ZNF432: variants seen among roughly 807,000 people sequenced by gnomAD.
The protein encoded by ZNF432 is zinc finger protein 432.
ZNF432 carries 10 observed loss-of-function variants against 13.9 expected under a neutral mutation model. The ratio of observed to expected loss-of-function variants is 0.72; its 90% CI spans 0.44 to 1.22. The LOEUF (loss-of-function observed/expected upper bound fraction) is 1.22, where lower values mean the gene tolerates loss of function less well. Among genes scored for constraint, ZNF432 ranks in the 50% most tolerant of loss-of-function variants. ZNF432 has a pLI of 0.00. For synonymous variants in ZNF432, 247 were observed against 256.2 expected (o/e 0.96, Z 0.34); for missense variants, 793 against 796.2 (o/e 1.00, Z 0.05).
Position 52,037,783 on chromosome 19 carries a change from C to T in ZNF432, c.239-2343G>A, listed in dbSNP as rs555286751. Among the ~76,000 whole-genome samples, 7 of 122,404 alleles carry T rather than the reference C, an allele frequency of 5.7e-5. No individual in the cohort carries two copies. The South Asian group carries it at 2.0e-3, about 34-fold the overall frequency. 80.3% of individuals were successfully genotyped at this position (122,404 alleles called of 152,430 possible). A position where few individuals can be genotyped will look rare whatever the true frequency, so the allele number is the denominator to read the frequency against. On this transcript the variant is annotated intron_variant, in intron 4 of 4. Coordinates refer to ENST00000221315, the MANE Select transcript of ZNF432 (RefSeq NM_014650.4). ...CCAGCCTGAGCAACAAAGTGAGACT[C>T]TACCTTAAAAAAAAAAAAAAAAAAA...
chr19:52,036,017 T>G (rs574344640), intron 4 of ZNF432, among the ~76,000 whole-genome samples: 1 of 152,324 alleles, frequency 6.6e-6, no homozygotes, highest in East Asian at 1.9e-4. Context: ...AACAGGACCT[T>G]GCAAAACATG....
At chr19:52,042,394 C>A (rs1440197232) in intron 2 of ZNF432, among the ~76,000 whole-genome samples, 1 of 151,796 alleles carries the variant, frequency 6.6e-6, no homozygotes, top group Non-Finnish European at 1.5e-5. Context: ...ACCAAAAAGA[C>A]AAAAATTAAC....
In ZNF432 at chr19:52,035,322, G is replaced by A. The variant is rs1160514899; in HGVS notation, c.357C>T (p.Ser119=). Residue 119 remains serine (S), a synonymous_variant, in exon 5 of 5, where the codon AGC becomes AGT. Coordinates refer to ENST00000221315, the MANE Select transcript of ZNF432 (RefSeq NM_014650.4). ...CATGATTTTCCCTGAAAAGACAAAGGCTTTTGGTTTGAGAGGCAGTATTTC... is the reference window on the plus strand; with the variant it reads ...CATGATTTTCCCTGAAAAGACAAAGACTTTTGGTTTGAGAGGCAGTATTTC... ...AFGNTASQTK[S]LCLFRENHDT... is the part of the protein sequence containing the mutation. 3 of 1,612,430 alleles carry A rather than the reference G, an allele frequency of 1.9e-6. No homozygotes were observed. Among genetic ancestry groups the A allele is most frequent in the Non-Finnish European group, 2.5e-6 (3 of 1,179,666 alleles).
intron 1 of ZNF432, 163 bp from the exon 2 acceptor site, chr19:52,047,223 G>A (rs902362313): frequency 3.3e-6 from 1 of 304,132 alleles, no homozygotes; most frequent in African/African-American, 2.1e-5. Flanking sequence ...GATGAAAGGG[G>A]AGGTCACAAA....
In ZNF432 at chr19:52,034,311, G is replaced by A. The variant is rs201091027; in HGVS notation, c.1368C>T (p.Pro456=). 4 of 1,609,384 alleles carry A rather than the reference G, an allele frequency of 2.5e-6. No individual in the cohort carries two copies. The Admixed American group carries it at 6.7e-5, about 27-fold the overall frequency. Residue 456 remains proline (P), a synonymous_variant, in exon 5 of 5, where the codon CCC becomes CCT. Coordinates refer to ENST00000221315, the MANE Select transcript of ZNF432 (RefSeq NM_014650.4). ...CTTTCCCACATTCACTGCATGTGTAGGGCTTCTCTCCTGTATGAGTTCGCT... is the reference window on the plus strand; with the variant it reads ...CTTTCCCACATTCACTGCATGTGTAAGGCTTCTCTCCTGTATGAGTTCGCT... ...IHQRTHTGEK[P]YTCSECGKGF... is the part of the protein sequence containing the mutation.
At chr19:52,047,827 T>C (rs892165313) in intron 1 of ZNF432, among the ~76,000 whole-genome samples, 3 of 152,142 alleles carry the variant, frequency 2.0e-5, no homozygotes, top group Non-Finnish European at 4.4e-5. Flanking sequence ...GCCGCCTTTA[T>C]ATACTAACAT....
chr19:52,039,519 A>G lies in ZNF432; in HGVS notation c.238+969T>C, dbSNP rs191816865. Among the ~76,000 whole-genome samples the G allele has an allele frequency of 4.6e-5, 7 of 151,986 alleles. No individual in the cohort carries two copies. The East Asian group carries it at 1.4e-3, about 29-fold the overall frequency. ...ATGATTCTATTTATATAAAATGTCC[A>G]GAACAGGCAAATCTATAGGGATAAA... is the stretch of plus-strand genomic sequence containing the variant. On this transcript the variant is annotated intron_variant, in intron 4 of 4. Transcript: ENST00000221315.
chr19:52,047,349 A>G (rs2087194972), intron 1 of ZNF432: 1 of 156,026 alleles, frequency 6.4e-6, no homozygotes, highest in Admixed American at 6.5e-5. Flanking sequence ...TGTTACTCTC[A>G]CACCTCTTTA....
Position 52,048,765 on chromosome 19 carries a change from G to A in ZNF432, c.-263C>T, listed in dbSNP as rs2087220230. The A allele has an allele frequency of 6.6e-6, 1 of 152,650 alleles. No homozygotes were observed. The highest frequency in any genetic ancestry group is 1.9e-4 in the East Asian group (1 of 5,182). The allele number at this position is 152,650 out of a possible 1,614,324, so 9.5% of individuals were successfully genotyped here. A position where few individuals can be genotyped will look rare whatever the true frequency, so the allele number is the denominator to read the frequency against. ...CTTCCCTAAACTTCTTCCACTTCTGGGCCCCTCGCCCAACTCCCTCCCCCT... is the reference window on the plus strand; with the variant it reads ...CTTCCCTAAACTTCTTCCACTTCTGAGCCCCTCGCCCAACTCCCTCCCCCT... On this transcript the variant is annotated 5_prime_UTR_variant, in exon 1 of 5. Transcript: ENST00000221315.
rs777232780 is a variant in ZNF432, at chr19:52,034,170, A to G, written c.1509T>C (p.His503=). The change falls in exon 5 of 5, where the codon CAT becomes CAC. Residue 503 remains histidine, a synonymous_variant. Transcript: ENST00000221315. ...GFIVNSGLML[H]QRTHTGEKPY... is the part of the protein sequence containing the mutation. ...GTTTCTCTCCAGTATGAGTTCGCTG[A>G]TGTAACATCAGTCCGCTATTCACAA... The G allele has an allele frequency of 1.3e-5, 21 of 1,614,002 alleles. No individual in the cohort carries two copies. In the Admixed American group the frequency reaches 3.5e-4, roughly 27 times the overall value.
intron 2 of ZNF432, among the ~76,000 whole-genome samples, chr19:52,043,518 G>A (rs1395615578): frequency 5.3e-5 from 8 of 152,050 alleles, no homozygotes; most frequent in Non-Finnish European, 8.8e-5. Context: ...CGTGGGAAGG[G>A]AAAGACCTGA....
intron 2 of ZNF432, among the ~76,000 whole-genome samples, chr19:52,045,342 CTTTTTTTACCTTTTTTT>C (rs1218251471): frequency 7.6e-6 from 1 of 131,766 alleles, no homozygotes; most frequent in East Asian, 2.3e-4. Flanking sequence ...TCTACTTTTA[CTTTTTTTACCTTTTTTT>C]TTTTTTTTTT....
At chr19:52,036,493 T>C (rs983752185) in intron 4 of ZNF432, among the ~76,000 whole-genome samples, 23 of 152,254 alleles carry the variant, frequency 1.5e-4, no homozygotes, top group Non-Finnish European at 3.1e-4. Flanking sequence ...TGACAGCATC[T>C]GATAATGAGA....
chr19:52,035,441 CTA>C lies in ZNF432; in HGVS notation c.239-3_239-2del, dbSNP rs762024099. Reference sequence around the variant, plus strand: ...AGATGATCATCAACTTCGTTGTTTTCTAGGAAAGAAGAGAACAATGAATCCTT... The same window carrying C: ...AGATGATCATCAACTTCGTTGTTTTCGGAAAGAAGAGAACAATGAATCCTT... On this transcript the variant is annotated splice_acceptor_variant and splice_polypyrimidine_tract_variant and intron_variant, in intron 4 of 4. Transcript: ENST00000221315. LOFTEE classifies it high-confidence loss of function. The C allele has an allele frequency of 2.6e-6, 4 of 1,529,928 alleles. No individual in the cohort carries two copies. The Admixed American group carries it at 9.5e-5, about 36-fold the overall frequency. The allele number at this position is 1,529,928 out of a possible 1,614,324, so 94.8% of individuals were successfully genotyped here.
rs749555668 is a variant in ZNF432, at chr19:52,035,428, A to G, written c.251T>C (p.Val84Ala). The G allele has an allele frequency of 1.3e-6, 2 of 1,541,616 alleles. No individual in the cohort carries two copies. Among genetic ancestry groups the G allele is most frequent in the Non-Finnish European group, 1.7e-6 (2 of 1,150,228 alleles). Residue 84 changes from valine (V) to alanine (A), a missense_variant, in exon 5 of 5, where the codon GTT becomes GCT. Val to Ala is a moderately conservative substitution (Grantham distance 64). Transcript: ENST00000221315. Reference protein sequence around the residue: ...HSRICPENNEVDDHLQDHLEN... With the variant: ...HSRICPENNEADDHLQDHLEN... ...CAAGTGATCCTGCAGATGATCATCA[A>G]CTTCGTTGTTTTCTAGGAAAGAAGA...
intron 2 of ZNF432, among the ~76,000 whole-genome samples, chr19:52,043,783 T>C (rs1305444622): frequency 6.6e-6 from 1 of 152,242 alleles, no homozygotes; most frequent in Non-Finnish European, 1.5e-5. Flanking sequence ...TGTGTATGCG[T>C]ATCTAAAAGC....
intron 2 of ZNF432, among the ~76,000 whole-genome samples, chr19:52,043,866 C>T (rs960248092): frequency 3.3e-5 from 5 of 152,158 alleles, no homozygotes; most frequent in African/African-American, 9.7e-5. Context: ...GACCCTCTCC[C>T]CACTATTGTC....
chr19:52,035,327 T>C lies in ZNF432; in HGVS notation c.352A>G (p.Lys118Glu), dbSNP rs748700893. ...NAFGNTASQT[K>E]SLCLFRENHD... is the part of the protein sequence containing the mutation. Reference sequence around the variant, plus strand: ...TTTTCCCTGAAAAGACAAAGGCTTTTGGTTTGAGAGGCAGTATTTCCAAAT... The same window carrying C: ...TTTTCCCTGAAAAGACAAAGGCTTTCGGTTTGAGAGGCAGTATTTCCAAAT... Residue 118 changes from lysine to glutamate, a missense_variant, in exon 5 of 5, where the codon AAA becomes GAA. Coordinates refer to ENST00000221315, the MANE Select transcript of ZNF432 (RefSeq NM_014650.4). 6 of 1,612,820 alleles carry C rather than the reference T, an allele frequency of 3.7e-6. No homozygotes were observed. The highest frequency in any genetic ancestry group is 5.1e-6 in the Non-Finnish European group (6 of 1,179,738).
At position 52,034,951 on chromosome 19, in the gene ZNF432, G is replaced by C; in HGVS notation, c.728C>G (p.Ser243Cys). The change falls in exon 5 of 5, where the codon TCC becomes TGC. Residue 243 changes from serine (S) to cysteine (C), a missense_variant. By Grantham distance (112) the Ser-to-Cys change is moderately radical (BLOSUM62 -1). Coordinates refer to ENST00000221315, the MANE Select transcript of ZNF432 (RefSeq NM_014650.4). ...YGCTLCAKVF[S>C]RKSRLNEHQR... ...ATGTTCATTTAGCCTGGACTTTCTG[G>C]AGAACACTTTTGCACACAAAGTACA... 6.2e-7 allele frequency: 1 copy of C among 1,612,448 alleles called. No homozygotes were observed. Among genetic ancestry groups the C allele is most frequent in the Non-Finnish European group, 8.5e-7 (1 of 1,179,456 alleles).
Sources: allele counts gnomAD v4.1 joint callset (sites outside exome capture counted in the v4.1 genomes callset), GRCh38; gene constraint gnomAD v4.1.1; transcripts MANE v1.5; gene names NCBI Gene and HGNC (gene_info 2026-07-23, HGNC 2026-07-21).